Variants in RBFOX1 observed in about 807,000 individuals in gnomAD.
The protein encoded by RBFOX1 is RNA binding protein fox-1 homolog 1.
Under a neutral mutation model 57.7 loss-of-function variants are expected in RBFOX1, and 8 were observed. That is an observed-to-expected ratio of 0.14 (90% CI 0.08 to 0.25). The LOEUF is 0.25. RBFOX1 is among the 10% of genes least tolerant of loss of function. The pLI is 1.00. For missense variants in RBFOX1, 611 were observed against 548.5 expected (o/e 1.11, Z -1.14); for synonymous variants, 326 against 222.4 (o/e 1.47, Z -4.15).
chr16:5,917,239 G>T (rs909098993), intron 4 of RBFOX1, among the ~76,000 whole-genome samples: 1 of 152,104 alleles, frequency 6.6e-6, no homozygotes, highest in Non-Finnish European at 1.5e-5. Context: ...CTTGCTAAAG[G>T]GCTCCAGTGT....
chr16:7,568,651 C>T (rs956709887), intron 5 of RBFOX1, among the ~76,000 whole-genome samples: 5 of 151,642 alleles, frequency 3.3e-5, no homozygotes, highest in Admixed American at 6.6e-5. Flanking sequence ...TGTGGGAGGC[C>T]GAGGCAGGTG....
chr16:7,275,181 G>A (rs969916724), intron 4 of RBFOX1, among the ~76,000 whole-genome samples: 1 of 152,118 alleles, frequency 6.6e-6, no homozygotes, highest in African/African-American at 2.4e-5. Flanking sequence ...AGGGAGAGAG[G>A]AAGGGAGAAA....
At chr16:6,956,240 T>G (rs1258446587) in intron 3 of RBFOX1, among the ~76,000 whole-genome samples, 6 of 152,110 alleles carry the variant, frequency 3.9e-5, no homozygotes, top group East Asian at 1.9e-4. Context: ...GGAGAAGGAC[T>G]TTGCTTTGAA....
chr16:6,413,791 G>C (rs2093542458), intron 2 of RBFOX1, among the ~76,000 whole-genome samples: 1 of 152,164 alleles, frequency 6.6e-6, no homozygotes, highest in Admixed American at 6.5e-5. Flanking sequence ...CTCATCTACA[G>C]CTCTCCTCTA....
intron 3 of RBFOX1, among the ~76,000 whole-genome samples, chr16:5,621,588 C>G (rs1383691905): frequency 1.3e-5 from 2 of 152,130 alleles, no homozygotes; most frequent in Admixed American, 6.5e-5. Context: ...GGATTCAGTG[C>G]TGACTTCCCC....
rs2080789196 is a variant in RBFOX1 at position 7,533,863 on chromosome 16, GTTA to G, written c.270+15481_270+15483del. ...CAGTCAAAGAATGAGTTTCTCAGTT[GTTA>G]TTATTAATAGAGCAAGTAATAATGG... On this transcript the variant is annotated intron_variant, in intron 5 of 15. Coordinates refer to ENST00000550418, the MANE Select transcript of RBFOX1 (RefSeq NM_018723.4). 2.6e-5 allele frequency among the ~76,000 whole-genome samples: 4 copies of G among 152,192 alleles called. No individual in the cohort carries two copies. The South Asian group carries it at 8.3e-4, about 32-fold the overall frequency.
chr16:7,332,377 T>C (rs72769287), intron 4 of RBFOX1, among the ~76,000 whole-genome samples: 6,585 of 152,328 alleles, frequency 0.043, 170 homozygotes, highest in South Asian at 0.077. Context: ...GGTAGTTTTA[T>C]CTTATTTACA....
intron 4 of RBFOX1, among the ~76,000 whole-genome samples, chr16:7,060,113 T>G (rs1179889872): frequency 6.6e-6 from 1 of 152,192 alleles, no homozygotes; most frequent in Non-Finnish European, 1.5e-5. Context: ...GTTAACAAAC[T>G]TTAAACTTTT....
Position 5,846,548 on chromosome 16 carries a change from C to T in RBFOX1, c.319-20755C>T, listed in dbSNP as rs919564359. Among the ~76,000 whole-genome samples the T allele has an allele frequency of 7.9e-5, 12 of 152,264 alleles. No individual in the cohort carries two copies. The South Asian group carries it at 1.7e-3, about 21-fold the overall frequency. ...CTGGGTAGATGGAGGAATGGAGGCT[C>T]AGGTGGGTGACCAGGTGTACCTGTG... On this transcript the variant is annotated intron_variant, in intron 3 of 19. Coordinates refer to the RBFOX1 transcript ENST00000641259.
intron 1 of RBFOX1, among the ~76,000 whole-genome samples, chr16:5,306,790 G>A (rs373199611): frequency 3.9e-5 from 6 of 152,252 alleles, no homozygotes; most frequent in East Asian, 1.9e-4. Flanking sequence ...TCTGTTCTGC[G>A]TCTTGCAGGA....
Position 6,429,290 on chromosome 16 carries a change from C to T in RBFOX1, c.-64+112233C>T, listed in dbSNP as rs530015279. 9.8e-5 allele frequency among the ~76,000 whole-genome samples: 15 copies of T among 152,356 alleles called. 1 individual carries two copies. The South Asian group carries it at 1.4e-3, about 15-fold the overall frequency. On this transcript the variant is annotated intron_variant, in intron 2 of 15. Coordinates refer to ENST00000550418, the MANE Select transcript of RBFOX1 (RefSeq NM_018723.4). ...AAAACCTTGGCATCAGCCGTGCACACGGCCCTGGGATCTTTGCCAGCTCCC... is the reference window on the plus strand; with the variant it reads ...AAAACCTTGGCATCAGCCGTGCACATGGCCCTGGGATCTTTGCCAGCTCCC...
At chr16:5,733,760 T>G (rs1198621075) in intron 3 of RBFOX1, among the ~76,000 whole-genome samples, 1 of 152,036 alleles carries the variant, frequency 6.6e-6, no homozygotes, top group Non-Finnish European at 1.5e-5. Context: ...GTTTTTCTCT[T>G]TCCCATTCTC....
chr16:6,525,911 C>T (rs1189458021), intron 2 of RBFOX1, among the ~76,000 whole-genome samples: 4 of 151,810 alleles, frequency 2.6e-5, no homozygotes. Flanking sequence ...CAGGAAATGC[C>T]TGTGTCTGCT....
chr16:6,307,913 T>G (rs1027241896), intron 1 of RBFOX1, among the ~76,000 whole-genome samples: 7 of 147,684 alleles, frequency 4.7e-5, no homozygotes, highest in African/African-American at 9.8e-5. Flanking sequence ...TATTTACATA[T>G]TTTTATAAAT....
In RBFOX1 at chr16:6,872,632, G is replaced by A. The variant is rs2061138370; in HGVS notation, c.-15-179425G>A. On this transcript the variant is annotated intron_variant, in intron 3 of 15. Transcript: ENST00000550418. ...ATGTGCAACTACTTTGAATATTCCT[G>A]CAGTGGCAACGGTTAAAGTAGAATG... Among the ~76,000 whole-genome samples the A allele has an allele frequency of 2.0e-5, 3 of 152,282 alleles. No homozygotes were observed. The South Asian group carries it at 6.2e-4, about 32-fold the overall frequency.
rs905395435 is a variant in RBFOX1, at chr16:7,591,009, G to T, written c.468+3709G>T. On this transcript the variant is annotated intron_variant, in intron 7 of 15. Coordinates refer to ENST00000550418, the MANE Select transcript of RBFOX1 (RefSeq NM_018723.4). Reference sequence around the variant, plus strand: ...GGCTTTCCTGAGTAGCAGGAGAGATGGACTAGGAAGATGAGTGACTGCAGT... The same window carrying T: ...GGCTTTCCTGAGTAGCAGGAGAGATTGACTAGGAAGATGAGTGACTGCAGT... Among the ~76,000 whole-genome samples, 4 of 152,146 alleles carry T rather than the reference G, an allele frequency of 2.6e-5. No homozygotes were observed. In the South Asian group the frequency reaches 8.3e-4, roughly 32 times the overall value.
At chr16:7,209,669 T>A (rs1269081814) in intron 4 of RBFOX1, among the ~76,000 whole-genome samples, 2 of 152,204 alleles carry the variant, frequency 1.3e-5, no homozygotes, top group Non-Finnish European at 2.9e-5. Flanking sequence ...TTTAAAAAAA[T>A]TTTTAATCCG....
intron 3 of RBFOX1, among the ~76,000 whole-genome samples, chr16:5,737,566 C>G (rs1378883353): frequency 7.9e-6 from 1 of 125,802 alleles, no homozygotes; most frequent in Non-Finnish European, 1.7e-5. Flanking sequence ...CTACAATTTT[C>G]TGCCTTATCC....
At chr16:5,465,143 C>G (rs981274589) in intron 1 of RBFOX1, among the ~76,000 whole-genome samples, 6 of 152,184 alleles carry the variant, frequency 3.9e-5, no homozygotes, top group East Asian at 1.9e-4. Context: ...ATTTATTTCT[C>G]TCAGTTCTGG....
Sources: gnomAD v4.1 joint callset for allele counts (sites outside exome capture counted in the v4.1 genomes callset) on GRCh38, gnomAD v4.1.1 for gene constraint, MANE v1.5 for transcripts, NCBI Gene and HGNC (gene_info 2026-07-23, HGNC 2026-07-21) for gene names.